Variants in PDE12 observed in about 807,000 individuals in gnomAD.
PDE12 encodes phosphodiesterase 12, also known as 2',5'-phosphodiesterase 12.
A neutral mutation model predicts 45.4 loss-of-function variants in PDE12; 26 were observed. That is an observed-to-expected ratio of 0.57 (90% CI 0.42 to 0.79). The LOEUF (loss-of-function observed/expected upper bound fraction) is 0.79, where lower values mean the gene tolerates loss of function less well. Ranked by LOEUF, PDE12 falls within the 30% of genes least tolerant of loss-of-function variation. PDE12 has a pLI of 0.00. For synonymous variants in PDE12, 283 were observed against 323.9 expected (o/e 0.87, Z 1.36); for missense variants, 668 against 790.0 (o/e 0.85, Z 1.85).
chr3:57,654,558 T>C, the PDE12 span: 19 of 890,884 alleles, frequency 2.1e-5, no homozygotes, highest in South Asian at 1.0e-4. Flanking sequence ...TAGGAACAAA[T>C]AGCAAATATC....
At chr3:57,582,127 G>A in the PDE12 span, among the ~76,000 whole-genome samples, 8 of 152,110 alleles carry the variant, frequency 5.3e-5, no homozygotes, top group Admixed American at 2.6e-4. Context: ...CAAGAATTTC[G>A]GATAAGGAAT....
At chr3:57,612,247 G>A in the PDE12 span, among the ~76,000 whole-genome samples, 2 of 112,446 alleles carry the variant, frequency 1.8e-5, no homozygotes, top group Non-Finnish European at 3.5e-5. Context: ...GTTGTGGGGT[G>A]GGGGGAGGGG....
the PDE12 span, among the ~76,000 whole-genome samples, chr3:57,588,818 G>C: frequency 6.6e-6 from 1 of 150,514 alleles, no homozygotes; most frequent in Non-Finnish European, 1.5e-5. Flanking sequence ...TTAGCCAGGT[G>C]TGAGTGAGGC....
Position 57,556,622 on chromosome 3 carries a change from T to A in PDE12, c.243T>A (p.Asn81Lys). 1 of 1,611,402 alleles carries A rather than the reference T, an allele frequency of 6.2e-7. No homozygotes were observed. Among genetic ancestry groups the A allele is most frequent in the Non-Finnish European group, 8.5e-7 (1 of 1,178,562 alleles). Reference sequence around the variant, plus strand: ...GAGTCCTCAGCCGCATCGCTACCAATGCCCTAAAGGGTCACGCTAAGGCGG... The same window carrying A: ...GAGTCCTCAGCCGCATCGCTACCAAAGCCCTAAAGGGTCACGCTAAGGCGG... ...LGRVLSRIATNALKGHAKAAA... is the reference protein window; with the variant it reads ...LGRVLSRIATKALKGHAKAAA... The change falls in exon 1 of 3, where the codon AAT (asparagine) becomes AAA (lysine). Residue 81 changes from asparagine to lysine, a missense_variant. By Grantham distance (94) the Asn-to-Lys change is moderately conservative. Transcript: ENST00000311180. This position sits in a 1 kb window ranked among gnomAD's most constrained non-coding sequence, Gnocchi z 5.0.
chr3:57,620,170 T>TGAGATCGTGCCACTGC, the PDE12 span, among the ~76,000 whole-genome samples: 1 of 151,732 alleles, frequency 6.6e-6, no homozygotes. Flanking sequence ...TGCAGTGAGC[T>TGAGATCGTGCCACTGC]GAGATCGTGC....
At chr3:57,653,241 CT>C in the PDE12 span, among the ~76,000 whole-genome samples, 3 of 152,138 alleles carry the variant, frequency 2.0e-5, no homozygotes, top group African/African-American at 7.2e-5. Flanking sequence ...AGTGGGATTC[CT>C]TTAAGGCACC....
chr3:57,570,949 C>T (rs2069835412), downstream of PDE12, among the ~76,000 whole-genome samples: 1 of 152,038 alleles, frequency 6.6e-6, no homozygotes, highest in South Asian at 2.1e-4. Context: ...CCCCACTCCA[C>T]ATGCCGCCCC....
At chr3:57,571,846 G>C (rs1191453959), downstream of PDE12, 1 of 182,428 alleles carries the variant, frequency 5.5e-6, no homozygotes, top group African/African-American at 2.4e-5. Context: ...AACTGTCTCA[G>C]GAATGATAAA....
chr3:57,639,697 A>T, the PDE12 span, among the ~76,000 whole-genome samples: 2 of 152,176 alleles, frequency 1.3e-5, no homozygotes, highest in African/African-American at 4.8e-5. Flanking sequence ...TCCTCCTAGC[A>T]GACAAAAAAT....
the PDE12 span, among the ~76,000 whole-genome samples, chr3:57,622,234 A>C: frequency 6.6e-6 from 1 of 152,338 alleles, no homozygotes; most frequent in Admixed American, 6.5e-5. Flanking sequence ...AGAACTCTCA[A>C]GGCACAACCA....
the PDE12 span, among the ~76,000 whole-genome samples, chr3:57,604,382 TA>T: frequency 6.6e-6 from 1 of 152,140 alleles, no homozygotes; most frequent in Non-Finnish European, 1.5e-5. Flanking sequence ...GTTAACAAAA[TA>T]ATCACCTAAT....
the PDE12 span, among the ~76,000 whole-genome samples, chr3:57,576,140 A>C: frequency 6.6e-6 from 1 of 151,792 alleles, no homozygotes; most frequent in East Asian, 1.9e-4. Context: ...TGAAATATAC[A>C]AAAAAAAAGT....
chr3:57,612,787 T>A, the PDE12 span, among the ~76,000 whole-genome samples: 94 of 136,026 alleles, frequency 6.9e-4, 2 homozygotes, highest in East Asian at 0.015. Flanking sequence ...AAAAAAAAAA[T>A]TCTATTAATT....
At chr3:57,653,744 TAA>T in the PDE12 span, among the ~76,000 whole-genome samples, 12 of 84,702 alleles carry the variant, frequency 1.4e-4, no homozygotes, top group Admixed American at 2.7e-4. Context: ...AGACTCCATC[TAA>T]AAAAAAAAAA....
the PDE12 span, among the ~76,000 whole-genome samples, chr3:57,585,022 C>T: frequency 3.3e-5 from 5 of 152,064 alleles, no homozygotes; most frequent in African/African-American, 1.2e-4. Context: ...CACCACCACG[C>T]CCGGCTAATT....
Position 57,559,566 on chromosome 3 carries a change from G to T in PDE12, c.1392G>T (p.Gly464=). ...NTHLYWHPKG[G]YIRLIQMAVA... is the part of the protein sequence containing the mutation. ...TAATGTTTTTTATATTCATAGGTGG[G>T]TATATTCGCCTCATTCAAATGGCAG... is the stretch of plus-strand genomic sequence containing the variant. The change falls in exon 3 of 3, where the codon GGG becomes GGT. Residue 464 remains glycine (G), a synonymous_variant. Coordinates refer to ENST00000311180, the MANE Select transcript of PDE12 (RefSeq NM_177966.7). The T allele has an allele frequency of 6.2e-7, 1 of 1,602,656 alleles. No individual in the cohort carries two copies. Among genetic ancestry groups the T allele is most frequent in the East Asian group, 2.2e-5 (1 of 44,708 alleles).
the PDE12 span, among the ~76,000 whole-genome samples, chr3:57,576,903 C>T: frequency 1.3e-5 from 2 of 152,056 alleles, no homozygotes; most frequent in Non-Finnish European, 2.9e-5. Context: ...GAAAATGGAA[C>T]CGATGACCTT....
chr3:57,609,502 A>G, the PDE12 span, among the ~76,000 whole-genome samples: 1 of 152,214 alleles, frequency 6.6e-6, no homozygotes, highest in Admixed American at 6.5e-5. Context: ...AAGACTAATA[A>G]GAAGAGAGAG....
chr3:57,621,943 A>G, the PDE12 span, among the ~76,000 whole-genome samples: 30 of 152,214 alleles, frequency 2.0e-4, no homozygotes, highest in Non-Finnish European at 1.9e-4. Flanking sequence ...TGGGAGCCCA[A>G]GGTGGGTGGA....
Sources: allele counts gnomAD v4.1 joint callset (sites outside exome capture counted in the v4.1 genomes callset), GRCh38; gene constraint gnomAD v4.1.1; non-coding constraint Gnocchi (gnomAD v3.1); transcripts MANE v1.5; gene names NCBI Gene and HGNC (gene_info 2026-07-23, HGNC 2026-07-21).